The following KASH5 variants were observed in gnomAD, a reference collection of about 807,000 sequenced individuals.
KASH5 encodes protein KASH5.
In KASH5, 72 loss-of-function variants were observed where a neutral mutation model predicts 84.2. The observed-to-expected ratio is 0.85, with a 90% CI of 0.71 to 1.04. The LOEUF (loss-of-function observed/expected upper bound fraction) is 1.04, where lower values mean the gene tolerates loss of function less well. Among genes scored for constraint, KASH5 ranks in the 50% least tolerant of loss-of-function variants. The pLI, the probability that KASH5 is intolerant of heterozygous loss-of-function variation, is 0.00. For missense variants in KASH5, 650 were observed against 701.0 expected (o/e 0.93, Z 0.82); for synonymous variants, 260 against 279.1 (o/e 0.93, Z 0.68).
intron 16 of KASH5, among the ~76,000 whole-genome samples, chr19:49,413,625 A>G (rs940567818): frequency 5.3e-4 from 80 of 152,138 alleles, no homozygotes; most frequent in African/African-American, 1.8e-3. Context: ...GGAGCTCTGG[A>G]GCTATGACCT....
chr19:49,390,962 T>TGAG lies in KASH5; in HGVS notation c.43+41_43+43dup, dbSNP rs780121094. ...GGAACCCTATTTGCCCCGGGGAGGGTGAGGAGGGAGCCATGGGTGAATGGG... is the reference window on the plus strand; with the variant it reads ...GGAACCCTATTTGCCCCGGGGAGGGTGAGGAGGAGGGAGCCATGGGTGAATGGG... On this transcript the variant is annotated intron_variant, in intron 2 of 19. Coordinates refer to ENST00000447857, the MANE Select transcript of KASH5 (RefSeq NM_144688.5). 53 of 1,599,268 alleles carry TGAG rather than the reference T, an allele frequency of 3.3e-5. No homozygotes were observed. In the South Asian group the frequency reaches 5.8e-4, roughly 18 times the overall value.
intron 1 of KASH5, among the ~76,000 whole-genome samples, chr19:49,389,103 GCCAGAGACCCCCAGAAAT>G (rs1001872755): frequency 1.0e-5 from 1 of 97,094 alleles, no homozygotes; most frequent in Non-Finnish European, 1.9e-5. Context: ...CCAAAATCCA[GCCAGAGACCCCCAGAAAT>G]CCAGAGACCC....
rs951540465 is a variant in KASH5 at position 49,416,928 on chromosome 19, A to G, written c.1375-87A>G. ...TATCTCCTGAGCTCCACCACTTTCT[A>G]TGTGGCCACTTGTGTCCAGTGGGCT... On this transcript the variant is annotated intron_variant, in intron 17 of 19. Transcript: ENST00000447857. This position sits in a 1 kb window ranked among gnomAD's most constrained non-coding sequence, Gnocchi z 5.4. 2.3e-6 allele frequency: 3 copies of G among 1,322,682 alleles called. No individual in the cohort carries two copies. Among genetic ancestry groups the G allele is most frequent in the African/African-American group, 1.5e-5 (1 of 68,372 alleles). The allele number at this position is 1,322,682 out of a possible 1,614,324, so 81.9% of individuals were successfully genotyped here.
chr19:49,402,135 G>A (rs565744893), intron 9 of KASH5, among the ~76,000 whole-genome samples: 1 of 151,906 alleles, frequency 6.6e-6, no homozygotes, highest in African/African-American at 2.4e-5. Flanking sequence ...CCAGCTACTC[G>A]GGAGGCTGAG....
chr19:49,410,547 G>C lies in KASH5; in HGVS notation c.1269+672G>C, dbSNP rs536882536. Among the ~76,000 whole-genome samples, 12 of 148,062 alleles carry C rather than the reference G, an allele frequency of 8.1e-5. No individual in the cohort carries two copies. The Admixed American group carries it at 8.1e-4, about 10-fold the overall frequency. ...CACCCAGGCTGGAGTGCAGTGGCAC[G>C]ATCTCAGCTCACTGCAACCTCCACC... On this transcript the variant is annotated intron_variant, in intron 15 of 19. Coordinates refer to ENST00000447857, the MANE Select transcript of KASH5 (RefSeq NM_144688.5).
intron 1 of KASH5, chr19:49,389,752 G>A (rs899345326): frequency 6.6e-6 from 1 of 152,372 alleles, no homozygotes; most frequent in Non-Finnish European, 1.5e-5. Context: ...TCTCTCTCTA[G>A]CCCCCAGAGT....
At chr19:49,411,493 T>G (rs1210895294) in intron 15 of KASH5, among the ~76,000 whole-genome samples, 1 of 152,206 alleles carries the variant, frequency 6.6e-6, no homozygotes, top group East Asian at 1.9e-4. Flanking sequence ...CATGGGAAAC[T>G]GAGGCTCAGG....
At position 49,417,260 on chromosome 19, in the gene KASH5, G is replaced by T. The variant is rs200258918; in HGVS notation, c.1541G>T (p.Arg514Leu). Residue 514 changes from arginine (R) to leucine (L), a missense_variant, in exon 19 of 20, where the codon CGG (arginine) becomes CTG (leucine). Physicochemically the swap from Arg to Leu is moderately radical, Grantham distance 102. Coordinates refer to ENST00000447857, the MANE Select transcript of KASH5 (RefSeq NM_144688.5). The surrounding 1 kb of genome is among the most constrained non-coding windows in gnomAD (Gnocchi z 5.2). ...AWGQLCLPPQ[R>L]LRVTRHPLIP... ...GGCCAGCTCTGCCTGCCCCCACAGC[G>T]GCTCAGGTGTGCCCCCAGGCGTCTC... 186 of 1,612,288 alleles carry T rather than the reference G, an allele frequency of 1.2e-4. 1 individual carries two copies. In the African/African-American group the frequency reaches 2.4e-3, roughly 21 times the overall value.
rs528255247 is a variant in KASH5, at chr19:49,398,334, T to G, written c.629+191T>G. ...ATCTCTCAGCCTCTGTTTTGGTCTT[T>G]TTATCTTTCCCTTGAGGGTTCAGAC... On this transcript the variant is annotated intron_variant, in intron 7 of 19. Coordinates refer to ENST00000447857, the MANE Select transcript of KASH5 (RefSeq NM_144688.5). 2.6e-4 allele frequency among the ~76,000 whole-genome samples: 40 copies of G among 152,302 alleles called. 1 individual carries two copies. The South Asian group carries it at 8.1e-3, about 31-fold the overall frequency.
intron 7 of KASH5, 126 bp downstream of exon 7, chr19:49,398,269 T>C (rs890062809): frequency 1.0e-5 from 8 of 795,978 alleles, no homozygotes; most frequent in Middle Eastern, 7.6e-4. Context: ...TCCTTTCTTT[T>C]CCCTTTTCTG....
In KASH5 at chr19:49,415,001, G is replaced by A. The variant is rs372288645; in HGVS notation, c.1374+5G>A. The A allele has an allele frequency of 4.3e-6, 7 of 1,610,968 alleles. No homozygotes were observed. Among genetic ancestry groups the A allele is most frequent in the Non-Finnish European group, 4.2e-6 (5 of 1,178,768 alleles). On this transcript the variant is annotated splice_donor_5th_base_variant and intron_variant, in intron 17 of 19. Coordinates refer to ENST00000447857, the MANE Select transcript of KASH5 (RefSeq NM_144688.5). ...GATGCAGAGAGCCAGGTCACGGTAGGCAGTCCCCAGCACCCCTCCCCAGTC... is the reference window on the plus strand; with the variant it reads ...GATGCAGAGAGCCAGGTCACGGTAGACAGTCCCCAGCACCCCTCCCCAGTC...
intron 12 of KASH5, 86 bp downstream of exon 12, chr19:49,407,757 C>T: frequency 7.3e-7 from 1 of 1,371,108 alleles, no homozygotes. Context: ...CCTCCTCGTG[C>T]CTCTTTGTCA....
In KASH5 at chr19:49,397,679, C is replaced by T. The variant is rs778170547; in HGVS notation, c.429C>T (p.Asn143=). Residue 143 remains asparagine, a synonymous_variant, in exon 6 of 20, where the codon AAC becomes AAT. Transcript: ENST00000447857. ...SGCPEAEEPA[N]LESFGGEDPR... ...GCCCAGAAGCTGAGGAGCCAGCCAA[C>T]CTGGAGAGCTTCGGAGGCGAAGACC... The T allele has an allele frequency of 3.1e-6, 5 of 1,613,862 alleles. No homozygotes were observed. Among genetic ancestry groups the T allele is most frequent in the South Asian group, 1.1e-5 (1 of 91,074 alleles).
intron 1 of KASH5, among the ~76,000 whole-genome samples, chr19:49,389,122 C>CCTGT (rs1555790323): frequency 5.7e-5 from 6 of 105,306 alleles, no homozygotes; most frequent in Non-Finnish European, 1.1e-4. Flanking sequence ...CCCCAGAAAT[C>CCTGT]CAGAGACCCC....
At position 49,416,134 on chromosome 19, in the gene KASH5, A is replaced by G. The variant is rs555361875; in HGVS notation, c.1375-881A>G. ...TAAAAAATCATATTTCAGTATAGCA[A>G]CCATGAGCAATTAGAAAAATAAATT... On this transcript the variant is annotated intron_variant, in intron 17 of 19. Coordinates refer to ENST00000447857, the MANE Select transcript of KASH5 (RefSeq NM_144688.5). The surrounding 1 kb of genome is among the most constrained non-coding windows in gnomAD (Gnocchi z 5.4). Among the ~76,000 whole-genome samples, 1 of 152,348 alleles carries G rather than the reference A, an allele frequency of 6.6e-6. No individual in the cohort carries two copies. The highest frequency in any genetic ancestry group is 1.9e-4 in the East Asian group (1 of 5,190).
Position 49,395,164 on chromosome 19 carries a change from C to T in KASH5, c.207C>T (p.Pro69=), listed in dbSNP as rs1476293374. ...AYLEAVTGQG[P]QDARLQTLAN... ...TGGAGGCTGTGACAGGCCAGGGCCC[C>T]CAGGATGCACGCCTCCAAACATTGG... Residue 69 remains proline, a synonymous_variant, in exon 4 of 20, where the codon CCC becomes CCT. Coordinates refer to ENST00000447857, the MANE Select transcript of KASH5 (RefSeq NM_144688.5). This position sits in a 1 kb window ranked among gnomAD's most constrained non-coding sequence, Gnocchi z 4.4. The T allele has an allele frequency of 6.2e-7, 1 of 1,612,970 alleles. No individual in the cohort carries two copies. The highest frequency in any genetic ancestry group is 1.1e-5 in the South Asian group (1 of 91,026).
At chr19:49,403,576 G>A (rs1974434737) in intron 9 of KASH5, among the ~76,000 whole-genome samples, 1 of 152,188 alleles carries the variant, frequency 6.6e-6, no homozygotes, top group African/African-American at 2.4e-5. Context: ...GAGAAGGGGT[G>A]AGAATGGCTG....
At chr19:49,398,849 C>A (rs1464207097) in intron 7 of KASH5, among the ~76,000 whole-genome samples, 176 bp from the exon 8 acceptor site, 1 of 152,150 alleles carries the variant, frequency 6.6e-6, no homozygotes, top group Non-Finnish European at 1.5e-5. Flanking sequence ...GTGCCCACAC[C>A]AGGTCTCCTT....
chr19:49,417,495 G>GC lies in KASH5; in HGVS notation c.1679dup (p.Pro561SerfsTer17). On this transcript the variant is annotated frameshift_variant, in exon 20 of 20. Coordinates refer to ENST00000447857, the MANE Select transcript of KASH5 (RefSeq NM_144688.5). LOFTEE classifies it high-confidence loss of function. This position sits in a 1 kb window ranked among gnomAD's most constrained non-coding sequence, Gnocchi z 5.2. ...CCCACCTCCAGCTCTGCTACCTCCAGCCCCCTCCAGTGTGAGAGGCTCTAC... is the reference window on the plus strand; with the variant it reads ...CCCACCTCCAGCTCTGCTACCTCCAGCCCCCCTCCAGTGTGAGAGGCTCTAC... 1 of 1,542,278 alleles carries GC rather than the reference G, an allele frequency of 6.5e-7. No homozygotes were observed. The highest frequency in any genetic ancestry group is 8.8e-7 in the Non-Finnish European group (1 of 1,142,424).
Sources: allele counts gnomAD v4.1 joint callset (sites outside exome capture counted in the v4.1 genomes callset), GRCh38; gene constraint gnomAD v4.1.1; non-coding constraint Gnocchi (gnomAD v3.1); transcripts MANE v1.5; gene names NCBI Gene and HGNC (gene_info 2026-07-23, HGNC 2026-07-21).